Variants in PLEKHM1 observed in about 807,000 individuals in gnomAD.
PLEKHM1 encodes the protein pleckstrin homology domain-containing family M member 1.
A neutral mutation model predicts 94.3 loss-of-function variants in PLEKHM1; 28 were observed. The observed-to-expected ratio is 0.30, with a 90% CI of 0.22 to 0.41. The LOEUF (loss-of-function observed/expected upper bound fraction) is 0.41. PLEKHM1 is among the 10% of genes least tolerant of loss of function. The probability of loss-of-function intolerance (pLI) is 1.00; values close to 1 mark genes in which losing one functional copy is unlikely to be tolerated. For synonymous variants in PLEKHM1, 424 were observed against 581.2 expected, an observed-to-expected ratio of 0.73 and a Z score of 3.89; for missense variants, 907 against 1,358.6, an observed-to-expected ratio of 0.67 and a Z score of 5.22.
intron 10 of PLEKHM1, 53 bp downstream of exon 10, chr17:45,440,110 C>T: frequency 2.0e-6 from 3 of 1,511,078 alleles, no homozygotes; most frequent in Non-Finnish European, 2.8e-6. Context: ...GCTGACTTCT[C>T]TGGGAATGAA....
At position 45,444,919 on chromosome 17, in the gene PLEKHM1, A is replaced by G. The variant is rs2050555632; in HGVS notation, c.2837+551T>C. Among the ~76,000 whole-genome samples, 1 of 148,580 alleles carries G rather than the reference A, an allele frequency of 6.7e-6. No homozygotes were observed. Among genetic ancestry groups the G allele is most frequent in the African/African-American group, 2.5e-5 (1 of 40,040 alleles). On this transcript the variant is annotated intron_variant, in intron 9 of 11. Transcript: ENST00000430334. The surrounding 1 kb of genome is among the most constrained non-coding windows in gnomAD (Gnocchi z 5.0). ...TCCCACCTGTCTCCCTCTCACCCTC[A>G]CCCCCGGATGGAGTTGCTGGCTTTC...
In PLEKHM1 at chr17:45,475,091, C is replaced by T. The variant is rs749233944; in HGVS notation, c.923+9G>A. ...AGAAGATGGGAAGGAGTGGGGGCAG[C>T]GTACTCACTCTTGCAGAGACCGGTC... On this transcript the variant is annotated intron_variant, in intron 4 of 11. Coordinates refer to ENST00000430334, the MANE Select transcript of PLEKHM1 (RefSeq NM_014798.3). The T allele has an allele frequency of 6.2e-6, 10 of 1,613,788 alleles. No individual in the cohort carries two copies. Among genetic ancestry groups the T allele is most frequent in the African/African-American group, 1.3e-5 (1 of 74,932 alleles).
downstream of PLEKHM1, among the ~76,000 whole-genome samples, chr17:45,434,591 A>C (rs1406992830): frequency 6.6e-6 from 1 of 151,612 alleles, no homozygotes; most frequent in East Asian, 2.0e-4. Flanking sequence ...GATTACAGGC[A>C]CCCGCCATCA....
intron 11 of PLEKHM1, among the ~76,000 whole-genome samples, chr17:45,438,853 G>A (rs1369071504): frequency 6.6e-6 from 1 of 152,144 alleles, no homozygotes; most frequent in Non-Finnish European, 1.5e-5. Flanking sequence ...CACCACGCCC[G>A]GCCAAGATGG....
At chr17:45,449,778 T>C (rs1224367966) in intron 8 of PLEKHM1, among the ~76,000 whole-genome samples, 445 of 37,906 alleles carry the variant, frequency 0.012, no homozygotes, top group Middle Eastern at 0.069. Flanking sequence ...ACCTGCTCAT[T>C]CACCTACCTA....
intron 1 of PLEKHM1, among the ~76,000 whole-genome samples, chr17:45,490,036 G>C (rs2052258975): frequency 6.6e-6 from 1 of 152,166 alleles, no homozygotes; most frequent in Admixed American, 6.6e-5. Flanking sequence ...AGGACGAGAA[G>C]ACACAGTTAA....
At chr17:45,469,529 T>C (rs2051429408) in intron 4 of PLEKHM1, among the ~76,000 whole-genome samples, 1 of 152,232 alleles carries the variant, frequency 6.6e-6, no homozygotes, top group African/African-American at 2.4e-5. Context: ...GAGCATGTCA[T>C]GGGCAAAGCC....
At position 45,471,940 on chromosome 17, in the gene PLEKHM1, A is replaced by G. The variant is rs1200854678; in HGVS notation, c.923+3160T>C. Among the ~76,000 whole-genome samples, 18 of 152,192 alleles carry G rather than the reference A, an allele frequency of 1.2e-4. 1 individual carries two copies. Among genetic ancestry groups the G allele is most frequent in the Non-Finnish European group, 2.5e-4 (17 of 68,038 alleles). On this transcript the variant is annotated intron_variant, in intron 4 of 11. Transcript: ENST00000430334. Reference sequence around the variant, plus strand: ...CCAATCTACACGGAAGAAGCTATTTAGGACAGTCAATTCACTAGGCCAACT... The same window carrying G: ...CCAATCTACACGGAAGAAGCTATTTGGGACAGTCAATTCACTAGGCCAACT...
At chr17:45,452,198 G>A (rs1165250981) in intron 7 of PLEKHM1, among the ~76,000 whole-genome samples, 1 of 151,918 alleles carries the variant, frequency 6.6e-6, no homozygotes, top group East Asian at 1.9e-4. Flanking sequence ...TGGGCAGGGG[G>A]ATGTCACTCA....
At position 45,437,327 on chromosome 17, in the gene PLEKHM1, C is replaced by T; in HGVS notation, c.*531G>A. The T allele has an allele frequency of 2.2e-6, 1 of 454,188 alleles. No homozygotes were observed. 28.1% of individuals were successfully genotyped at this position (454,188 alleles called of 1,614,324 possible). ...CCTGTCCCAGCAGTGGCCTGCCCAC[C>T]AGCCACCCGCTACCTCTAAGCCAGG... On this transcript the variant is annotated 3_prime_UTR_variant, in exon 12 of 12. Coordinates refer to ENST00000430334, the MANE Select transcript of PLEKHM1 (RefSeq NM_014798.3). This position sits in a 1 kb window ranked among gnomAD's most constrained non-coding sequence, Gnocchi z 4.0.
rs368968382 is a variant in PLEKHM1, at chr17:45,458,258, G to A, written c.1490C>T (p.Ala497Val). The change falls in exon 6 of 12, where the codon GCG becomes GTG. Residue 497 changes from alanine to valine, a missense_variant. Physicochemically the swap from Ala to Val is moderately conservative, Grantham distance 64. Transcript: ENST00000430334. Reference sequence around the variant, plus strand: ...CCTTCTTCCTGGGGAAGGTACACACGCTTGGTCTAACGCCCCCAGGGAGCA... The same window carrying A: ...CCTTCTTCCTGGGGAAGGTACACACACTTGGTCTAACGCCCCCAGGGAGCA... ...KNCSLGALDQACVPSPGRRQA... is the reference protein window; with the variant it reads ...KNCSLGALDQVCVPSPGRRQA... 3.3e-5 allele frequency: 53 copies of A among 1,610,878 alleles called. No homozygotes were observed. Among genetic ancestry groups the A allele is most frequent in the African/African-American group, 1.5e-4 (11 of 74,988 alleles).
At chr17:45,449,473 C>T (rs2050705424) in intron 8 of PLEKHM1, among the ~76,000 whole-genome samples, 1 of 152,064 alleles carries the variant, frequency 6.6e-6, no homozygotes, top group African/African-American at 2.4e-5. Context: ...TACCCATCCA[C>T]CTACCCACCA....
At chr17:45,484,466 T>C (rs2052048317) in intron 1 of PLEKHM1, among the ~76,000 whole-genome samples, 1 of 152,234 alleles carries the variant, frequency 6.6e-6, no homozygotes, top group Admixed American at 6.5e-5. Flanking sequence ...TTTCAGCCAA[T>C]TGCCAATCAG....
chr17:45,486,777 T>A (rs1380167461), intron 1 of PLEKHM1, among the ~76,000 whole-genome samples: 4 of 152,218 alleles, frequency 2.6e-5, no homozygotes, highest in Non-Finnish European at 5.9e-5. Context: ...CACCTCTGTT[T>A]GTAGGCAGCC....
At chr17:45,460,879 T>TTTG (rs932908195) in intron 5 of PLEKHM1, among the ~76,000 whole-genome samples, 2 of 151,256 alleles carry the variant, frequency 1.3e-5, no homozygotes, top group African/African-American at 4.9e-5. Context: ...TGTTTTTTGT[T>TTTG]TTGTTGTTGT....
chr17:45,442,561 A>G (rs1050654572), intron 9 of PLEKHM1, among the ~76,000 whole-genome samples: 79 of 152,058 alleles, frequency 5.2e-4, no homozygotes, highest in African/African-American at 1.8e-3. Context: ...GCCTGCCACC[A>G]CGCCCGGCTA....
chr17:45,446,499 C>T (rs1438468523), intron 8 of PLEKHM1, among the ~76,000 whole-genome samples: 1 of 152,128 alleles, frequency 6.6e-6, no homozygotes, highest in East Asian at 1.9e-4. Flanking sequence ...AATCAGAAGC[C>T]CCCTCCCCTG....
chr17:45,487,924 T>C (rs1358143410), intron 1 of PLEKHM1: 10 of 380,690 alleles, frequency 2.6e-5, no homozygotes, highest in East Asian at 7.5e-5. Context: ...TGATGAGTCA[T>C]GTTTTTTCAA....
At chr17:45,434,986 A>G (rs2050225802), downstream of PLEKHM1, among the ~76,000 whole-genome samples, 1 of 150,384 alleles carries the variant, frequency 6.6e-6, no homozygotes, top group Non-Finnish European at 1.5e-5. Context: ...AAAAAAAAAA[A>G]AGGGAGGGGA....
Sources: gnomAD v4.1 joint callset for allele counts (sites outside exome capture counted in the v4.1 genomes callset) on GRCh38, gnomAD v4.1.1 for gene constraint, Gnocchi (gnomAD v3.1) non-coding constraint, MANE v1.5 for transcripts, NCBI Gene and HGNC (gene_info 2026-07-23, HGNC 2026-07-21) for gene names.